Variants in ALS2 observed in about 807,000 individuals in gnomAD.
ALS2 encodes alsin.
ALS2 carries 117 observed loss-of-function variants against 203.4 expected under a neutral mutation model. That is an observed-to-expected ratio of 0.58 (90% CI 0.50 to 0.67). ALS2 has a LOEUF of 0.67. ALS2 is among the 30% of genes least tolerant of loss of function. The pLI, the probability that ALS2 is intolerant of heterozygous loss-of-function variation, is 0.00. For missense variants in ALS2, 1,715 were observed against 1,989.4 expected, an observed-to-expected ratio of 0.86 and a Z score of 2.62; for synonymous variants, 718 against 725.9, an observed-to-expected ratio of 0.99 and a Z score of 0.17.
chr2:201,768,751 A>G (rs1694230339), intron 2 of ALS2, 115 bp downstream of exon 2: 1 of 1,013,820 alleles, frequency 9.9e-7, no homozygotes, highest in South Asian at 1.4e-5. Flanking sequence ...AAATGTCACT[A>G]TTCCCACTTA....
chr2:201,722,883 A>G (rs1690897909), intron 23 of ALS2, 160 bp downstream of exon 23: 7 of 617,296 alleles, frequency 1.1e-5, no homozygotes, highest in Non-Finnish European at 2.0e-5. Flanking sequence ...CTGAAACTGG[A>G]TTGTGGTGGT....
chr2:201,704,668 T>G (rs1689593567), intron 31 of ALS2, 65 bp from the exon 32 acceptor site: 2 of 1,580,408 alleles, frequency 1.3e-6, no homozygotes, highest in Admixed American at 3.3e-5. Context: ...TTGATCGTGC[T>G]TTTTTGACAA....
At chr2:201,719,250 G>T (rs1167703476) in intron 23 of ALS2, among the ~76,000 whole-genome samples, 1 of 152,172 alleles carries the variant, frequency 6.6e-6, no homozygotes, top group Non-Finnish European at 1.5e-5. Flanking sequence ...GGGTCTTTTG[G>T]GAAGTGATTA....
chr2:201,722,032 T>C (rs1332188028), intron 23 of ALS2: 1 of 152,196 alleles, frequency 6.6e-6, no homozygotes, highest in African/African-American at 2.4e-5. Context: ...GAAAAACTTT[T>C]CTATTTCAAA....
intron 29 of ALS2, 57 bp downstream of exon 29, chr2:201,706,789 T>C: frequency 6.3e-7 from 1 of 1,596,074 alleles, no homozygotes. Context: ...TTTCCAATAA[T>C]GCAGTTTGCA....
At chr2:201,741,933 T>C in intron 10 of ALS2, 79 bp from the exon 11 acceptor site, 2 of 1,272,696 alleles carry the variant, frequency 1.6e-6, no homozygotes, top group Middle Eastern at 1.8e-4. Context: ...TGATTATGAA[T>C]TCCTCTAAGA....
chr2:201,701,711 G>A lies in ALS2; in HGVS notation c.*140C>T. On this transcript the variant is annotated 3_prime_UTR_variant, in exon 34 of 34. Transcript: ENST00000264276. ...TCTGGGCTCAGGGCTCTTATTATTG[G>A]TAAGGCTCATTCTAACAACCTAAAT... 1.3e-6 allele frequency: 1 copy of A among 793,254 alleles called. No individual in the cohort carries two copies. The highest frequency in any genetic ancestry group is 1.5e-5 in the South Asian group (1 of 64,522). The allele number at this position is 793,254 out of a possible 1,614,324, so 49.1% of individuals were successfully genotyped here. A position where few individuals can be genotyped will look rare whatever the true frequency, so the allele number is the denominator to read the frequency against.
chr2:201,751,950 T>C (rs1181439607), intron 7 of ALS2, among the ~76,000 whole-genome samples: 1 of 152,206 alleles, frequency 6.6e-6, no homozygotes, highest in Non-Finnish European at 1.5e-5. Flanking sequence ...AATTCTCATA[T>C]ATACTTGAGA....
intron 13 of ALS2, among the ~76,000 whole-genome samples, chr2:201,730,513 A>G (rs1691489400): frequency 6.6e-6 from 1 of 152,234 alleles, no homozygotes; most frequent in Non-Finnish European, 1.5e-5. Flanking sequence ...TATTATTGGC[A>G]ACAAATACTA....
At chr2:201,744,806 A>G (rs1425575750) in intron 9 of ALS2, among the ~76,000 whole-genome samples, 1 of 152,226 alleles carries the variant, frequency 6.6e-6, no homozygotes, top group African/African-American at 2.4e-5. Context: ...TAAAGATCCA[A>G]ATGATAGGGA....
chr2:201,709,853 C>T (rs908672945), intron 27 of ALS2, 28 bp downstream of exon 27: 18 of 1,613,522 alleles, frequency 1.1e-5, no homozygotes, highest in South Asian at 2.2e-5. Flanking sequence ...TTCCATAGCC[C>T]GCAGACTTTA....
rs373432894 is a variant in ALS2 at position 201,726,751 on chromosome 2, C to T, written c.3095G>A (p.Arg1032His). The T allele has an allele frequency of 6.8e-6, 11 of 1,614,116 alleles. No homozygotes were observed. The highest frequency in any genetic ancestry group is 3.3e-5 in the Admixed American group (2 of 60,002). Residue 1032 changes from arginine to histidine, a missense_variant, in exon 18 of 34, where the codon CGC (arginine) becomes CAC (histidine). Arg to His is a conservative substitution (Grantham distance 29). Coordinates refer to ENST00000264276, the MANE Select transcript of ALS2 (RefSeq NM_020919.4). ...SVQRQEPPIS[R>H]SAKYTFYKDP... is the part of the protein sequence containing the mutation. Reference sequence around the variant, plus strand: ...CTTGTAGAAAGTATATTTGGCACTGCGTGAAATGGGTGGTTCCTGTCTCTG... The same window carrying T: ...CTTGTAGAAAGTATATTTGGCACTGTGTGAAATGGGTGGTTCCTGTCTCTG...
chr2:201,722,736 G>C (rs1200118879), intron 23 of ALS2: 1 of 347,086 alleles, frequency 2.9e-6, no homozygotes, highest in Non-Finnish European at 5.2e-6. Context: ...TTGCATGTAT[G>C]ATTCCATTTA....
At position 201,760,254 on chromosome 2, in the gene ALS2, T is replaced by C. The variant is rs1029757570; in HGVS notation, c.1113+627A>G. On this transcript the variant is annotated intron_variant, in intron 4 of 33. Coordinates refer to ENST00000264276, the MANE Select transcript of ALS2 (RefSeq NM_020919.4). ...TGAACCTGGGAGATCGAGGCTGCAG[T>C]GAGCCACAATCGCATTACTGCACTC... The C allele has an allele frequency of 8.3e-6, 7 of 842,684 alleles. No individual in the cohort carries two copies. In the African/African-American group the frequency reaches 1.1e-4, roughly 13 times the overall value. 52.2% of individuals were successfully genotyped at this position (842,684 alleles called of 1,614,324 possible).
chr2:201,715,977 T>C, intron 24 of ALS2, 138 bp from the exon 25 acceptor site: 1 of 876,292 alleles, frequency 1.1e-6, no homozygotes, highest in South Asian at 1.5e-5. Flanking sequence ...ATTCTATTTT[T>C]AAAACACTAA....
chr2:201,749,652 A>C, intron 8 of ALS2, 60 bp downstream of exon 8: 1 of 1,341,746 alleles, frequency 7.5e-7, no homozygotes, highest in South Asian at 1.2e-5. Flanking sequence ...GAAATGGAGA[A>C]GTATAAGGTG....
Position 201,740,210 on chromosome 2 carries a change from C to T in ALS2, c.2351+1464G>A, listed in dbSNP as rs1692181674. Among the ~76,000 whole-genome samples the T allele has an allele frequency of 2.6e-5, 4 of 151,828 alleles. No homozygotes were observed. In the South Asian group the frequency reaches 8.3e-4, roughly 31 times the overall value. On this transcript the variant is annotated intron_variant, in intron 11 of 33. Transcript: ENST00000264276. ...GATGTGCTGGCATGCACCTGTAGTC[C>T]TAGCTTCTTGGGAGGCTGAGGTGGG...
intron 9 of ALS2, 63 bp from the exon 10 acceptor site, chr2:201,744,492 C>T (rs1203633350): frequency 2.0e-6 from 3 of 1,512,940 alleles, no homozygotes; most frequent in African/African-American, 2.8e-5. Context: ...ATTTGGTATA[C>T]TGAAGCTGGC....
intron 23 of ALS2, chr2:201,722,415 A>T (rs1690863387): frequency 6.6e-6 from 1 of 152,284 alleles, no homozygotes; most frequent in South Asian, 2.1e-4. Flanking sequence ...TTTGGAAAAA[A>T]GTTCGACAGT....
Sources: gnomAD v4.1 joint callset for allele counts (sites outside exome capture counted in the v4.1 genomes callset) on GRCh38, gnomAD v4.1.1 for gene constraint, MANE v1.5 for transcripts, NCBI Gene and HGNC (gene_info 2026-07-23, HGNC 2026-07-21) for gene names.